CABIN1: variants seen among roughly 807,000 people sequenced by gnomAD.
The protein encoded by CABIN1 is calcineurin-binding protein cabin-1.
In CABIN1, 133 loss-of-function variants were observed where a neutral mutation model predicts 227.7. The ratio of observed to expected loss-of-function variants is 0.58; its 90% CI spans 0.51 to 0.67. CABIN1 has a LOEUF of 0.67. CABIN1 is among the 30% of genes least tolerant of loss of function. The pLI, the probability that CABIN1 is intolerant of heterozygous loss-of-function variation, is 0.00. For synonymous variants in CABIN1, 1,086 were observed against 1,155.1 expected (o/e 0.94, Z 1.21); for missense variants, 2,408 against 2,852.5 (o/e 0.84, Z 3.55).
At chr22:24,152,688 G>A (rs185900638) in intron 29 of CABIN1, among the ~76,000 whole-genome samples, 1 of 152,240 alleles carries the variant, frequency 6.6e-6, no homozygotes, top group African/African-American at 2.4e-5. Flanking sequence ...GGTGGCTCAC[G>A]CCTGTAATCC....
At chr22:24,162,812 G>A (rs953083533) in intron 29 of CABIN1, among the ~76,000 whole-genome samples, 1 of 152,238 alleles carries the variant, frequency 6.6e-6, no homozygotes, top group Non-Finnish European at 1.5e-5. Flanking sequence ...ACGGAAAGGA[G>A]ATAGGGATCC....
intron 29 of CABIN1, among the ~76,000 whole-genome samples, chr22:24,148,307 T>TG (rs376778061): frequency 3.9e-5 from 6 of 152,266 alleles, no homozygotes; most frequent in African/African-American, 1.4e-4. Flanking sequence ...TTCATTCTCA[T>TG]GGCAGCCAAG....
chr22:24,158,102 C>T (rs966683686), intron 29 of CABIN1, among the ~76,000 whole-genome samples: 3 of 152,362 alleles, frequency 2.0e-5, no homozygotes, highest in African/African-American at 7.2e-5. Context: ...ACCAGGGGAA[C>T]GGGCTCTCCC....
chr22:24,035,596 T>C, intron 2 of CABIN1, 76 bp downstream of exon 2: 1 of 1,570,652 alleles, frequency 6.4e-7, no homozygotes, highest in East Asian at 2.2e-5. Flanking sequence ...GAGGGGCATT[T>C]TCCTGTTAGA....
intron 27 of CABIN1, among the ~76,000 whole-genome samples, chr22:24,114,022 G>A (rs1245435733): frequency 1.3e-5 from 2 of 151,960 alleles, no homozygotes; most frequent in African/African-American, 2.4e-5. Flanking sequence ...AACCCAGCCC[G>A]GGAAAGCCAT....
At chr22:24,131,007 G>A (rs922684507) in intron 28 of CABIN1, among the ~76,000 whole-genome samples, 1 of 152,150 alleles carries the variant, frequency 6.6e-6, no homozygotes, top group African/African-American at 2.4e-5. Context: ...GTGGAGTGGT[G>A]GAAAACAAAC....
chr22:24,140,192 T>C (rs1292678416), intron 29 of CABIN1, among the ~76,000 whole-genome samples: 1 of 151,994 alleles, frequency 6.6e-6, no homozygotes, highest in African/African-American at 2.4e-5. Flanking sequence ...AAGGATCGAG[T>C]GAGTGGGACC....
chr22:24,121,655 A>G (rs565369869), intron 28 of CABIN1, among the ~76,000 whole-genome samples: 4 of 152,338 alleles, frequency 2.6e-5, no homozygotes, highest in Admixed American at 2.6e-4. Flanking sequence ...AATGGCTGAT[A>G]TGAACTCTGT....
At chr22:24,042,882 C>G (rs750905149) in intron 5 of CABIN1, 22 bp from the exon 6 acceptor site, 9 of 1,000,472 alleles carry the variant, frequency 9.0e-6, no homozygotes, top group East Asian at 8.2e-5. Context: ...GTGTGTTTGC[C>G]CTCTGCTTGT....
chr22:24,123,331 A>T (rs1054217984), intron 28 of CABIN1, among the ~76,000 whole-genome samples: 1 of 152,118 alleles, frequency 6.6e-6, no homozygotes, highest in African/African-American at 2.4e-5. Flanking sequence ...TAAGCAGCAG[A>T]CACTCCCTAC....
At chr22:24,129,659 G>A (rs1297586423) in intron 28 of CABIN1, among the ~76,000 whole-genome samples, 1 of 152,216 alleles carries the variant, frequency 6.6e-6, no homozygotes, top group Non-Finnish European at 1.5e-5. Flanking sequence ...GCCCTTATAG[G>A]GCTGATAGAG....
intron 23 of CABIN1, among the ~76,000 whole-genome samples, chr22:24,088,790 A>G (rs1366767201): frequency 1.3e-5 from 2 of 152,200 alleles, no homozygotes; most frequent in African/African-American, 4.8e-5. Flanking sequence ...ACTCCTAGAA[A>G]AAAACACCAA....
At chr22:24,095,251 C>T (rs1320945452) in intron 24 of CABIN1, among the ~76,000 whole-genome samples, 1 of 152,226 alleles carries the variant, frequency 6.6e-6, no homozygotes, top group Admixed American at 6.5e-5. Flanking sequence ...TGCCTCACAC[C>T]CACTCCTGCA....
At chr22:24,130,692 A>G (rs927705187) in intron 28 of CABIN1, among the ~76,000 whole-genome samples, 2 of 152,068 alleles carry the variant, frequency 1.3e-5, no homozygotes, top group African/African-American at 4.8e-5. Context: ...TTCCCCAGAC[A>G]GGTCTCAGCC....
At chr22:24,077,467 A>T (rs1018407862) in intron 19 of CABIN1, among the ~76,000 whole-genome samples, 8 of 152,234 alleles carry the variant, frequency 5.3e-5, no homozygotes, top group African/African-American at 1.9e-4. Flanking sequence ...TGATTTGTCC[A>T]GGAGACCCAT....
chr22:24,017,019 AT>A (rs1415201107), intron 1 of CABIN1, among the ~76,000 whole-genome samples: 4 of 150,672 alleles, frequency 2.7e-5, no homozygotes, highest in African/African-American at 9.7e-5. Flanking sequence ...GTGATAAAAT[AT>A]AAGCAACATA....
At position 24,134,283 on chromosome 22, in the gene CABIN1, C is replaced by G. The variant is rs560863120; in HGVS notation, c.4633-19C>G. On this transcript the variant is annotated intron_variant, in intron 28 of 36. Transcript: ENST00000263119. ...AGCAGCCCACACACTCACTTTCAAC[C>G]TACTTCTTGTTTCCCCAGAACCTCC... 6.2e-7 allele frequency: 1 copy of G among 1,603,924 alleles called. No homozygotes were observed. The highest frequency in any genetic ancestry group is 8.5e-7 in the Non-Finnish European group (1 of 1,172,226).
At chr22:24,168,333 A>T in intron 32 of CABIN1, 114 bp from the exon 33 acceptor site, 2 of 1,026,748 alleles carry the variant, frequency 1.9e-6, no homozygotes, top group Non-Finnish European at 3.0e-6. Context: ...GGGGCACCCG[A>T]GCCACAGGGC....
At chr22:24,045,737 C>T (rs972044639) in intron 6 of CABIN1, among the ~76,000 whole-genome samples, 2 of 152,172 alleles carry the variant, frequency 1.3e-5, no homozygotes, top group African/African-American at 2.4e-5. Context: ...GTAGCTTAAA[C>T]AAGAATTTAT....
Sources: gnomAD v4.1 joint callset for allele counts (sites outside exome capture counted in the v4.1 genomes callset) on GRCh38, gnomAD v4.1.1 for gene constraint, MANE v1.5 for transcripts, NCBI Gene and HGNC (gene_info 2026-07-23, HGNC 2026-07-21) for gene names.